ST18: variants seen among roughly 807,000 people sequenced by gnomAD.
ST18 encodes the protein ST18 C2H2C-type zinc finger transcription factor.
In ST18, 50 loss-of-function variants were observed where a neutral mutation model predicts 110.0. The observed-to-expected ratio is 0.45, with a 90% CI of 0.36 to 0.58. The LOEUF (loss-of-function observed/expected upper bound fraction) is 0.58. Among genes scored for constraint, ST18 ranks in the 20% least tolerant of loss-of-function variants. The pLI is 0.00. For synonymous variants in ST18, 461 were observed against 452.4 expected, an observed-to-expected ratio of 1.02 and a Z score of -0.24; for missense variants, 1,306 against 1,280.1, an observed-to-expected ratio of 1.02 and a Z score of -0.31.
intron 2 of ST18, among the ~76,000 whole-genome samples, chr8:52,310,331 C>A (rs1380753290): frequency 6.6e-6 from 1 of 152,202 alleles, no homozygotes; most frequent in Admixed American, 6.5e-5. Context: ...GGAAGTTTTT[C>A]TGCACACCTA....
intron 2 of ST18, among the ~76,000 whole-genome samples, chr8:52,311,438 T>G (rs2095906399): frequency 1.3e-5 from 2 of 152,194 alleles, no homozygotes; most frequent in African/African-American, 4.8e-5. Flanking sequence ...GACTTCCCCC[T>G]CTACAGTTCT....
At chr8:52,124,070 A>C (rs1233118293) in intron 23 of ST18, among the ~76,000 whole-genome samples, 2 of 152,182 alleles carry the variant, frequency 1.3e-5, no homozygotes, top group Non-Finnish European at 2.9e-5. Flanking sequence ...CAAATTTGCA[A>C]TCCTTATTTA....
intron 19 of ST18, among the ~76,000 whole-genome samples, chr8:52,135,120 C>T (rs772819097): frequency 4.6e-5 from 7 of 152,092 alleles, no homozygotes; most frequent in African/African-American, 1.7e-4. Context: ...AAGTTTAGAG[C>T]AATTCAGTAA....
chr8:52,227,704 A>G (rs1407912944), intron 3 of ST18, among the ~76,000 whole-genome samples: 1 of 152,198 alleles, frequency 6.6e-6, no homozygotes, highest in East Asian at 1.9e-4. Context: ...TAGTGTCAGA[A>G]CTGCAAGATC....
intron 17 of ST18, among the ~76,000 whole-genome samples, chr8:52,139,744 T>C (rs2054161399): frequency 6.7e-6 from 1 of 149,686 alleles, no homozygotes; most frequent in African/African-American, 2.4e-5. Flanking sequence ...ATAAATTACC[T>C]ATAAAATATG....
chr8:52,376,270 CCTT>C (rs951718277), intron 2 of ST18, among the ~76,000 whole-genome samples: 115 of 152,218 alleles, frequency 7.6e-4, no homozygotes, highest in African/African-American at 2.6e-3. Context: ...ATCTCTCTGA[CCTT>C]CTCTCTTTCC....
chr8:52,187,502 T>C (rs1470590583), intron 8 of ST18, among the ~76,000 whole-genome samples: 1 of 152,222 alleles, frequency 6.6e-6, no homozygotes, highest in Non-Finnish European at 1.5e-5. Context: ...CAGCCAATGA[T>C]GGAAGAATAT....
chr8:52,206,972 T>C lies in ST18; in HGVS notation c.86+5107A>G, dbSNP rs546439796. Among the ~76,000 whole-genome samples the C allele has an allele frequency of 1.6e-3, 250 of 152,294 alleles. 1 individual carries two copies. The highest frequency in any genetic ancestry group is 2.6e-3 in the Admixed American group (39 of 15,294). ...TATTAGAAATCAGTATCAGTTCACTTTTTTCTTTAGTTATCACCTCCAGGA... is the reference window on the plus strand; with the variant it reads ...TATTAGAAATCAGTATCAGTTCACTCTTTTCTTTAGTTATCACCTCCAGGA... On this transcript the variant is annotated intron_variant, in intron 8 of 25. Coordinates refer to ENST00000689386, the MANE Select transcript of ST18 (RefSeq NM_001352837.2).
intron 2 of ST18, chr8:52,405,511 C>T (rs1436687308): frequency 6.6e-6 from 1 of 152,136 alleles, no homozygotes; most frequent in Non-Finnish European, 1.5e-5. Flanking sequence ...TTTATGAAAA[C>T]AAATAGCAAA....
intron 8 of ST18, among the ~76,000 whole-genome samples, chr8:52,188,504 T>C (rs1474359818): frequency 1.3e-5 from 2 of 152,154 alleles, no homozygotes. Context: ...AATAATGGAT[T>C]CAGATTATGC....
chr8:52,311,815 G>A (rs943291857), intron 2 of ST18, among the ~76,000 whole-genome samples: 3 of 152,114 alleles, frequency 2.0e-5, no homozygotes, highest in African/African-American at 4.8e-5. Flanking sequence ...TTCCTCCCTC[G>A]ACATGTGGGG....
At chr8:52,205,029 A>G (rs767381688) in intron 8 of ST18, among the ~76,000 whole-genome samples, 7 of 152,082 alleles carry the variant, frequency 4.6e-5, no homozygotes, top group Non-Finnish European at 1.0e-4. Context: ...TAAGATTTAA[A>G]GTAGACCTTA....
intron 2 of ST18, among the ~76,000 whole-genome samples, chr8:52,285,757 C>T (rs575191045): frequency 2.8e-4 from 42 of 152,184 alleles, no homozygotes; most frequent in Admixed American, 5.9e-4. Flanking sequence ...CCAATTTCTG[C>T]GACATTTTTC....
At position 52,118,299 on chromosome 8, in the gene ST18, T is replaced by G. The variant is rs985366225; in HGVS notation, c.2859+39A>C. ...AATGTTTTGTTTCCACCAAAGATTA[T>G]GATTACATTAAGGATCATGAATTAC... On this transcript the variant is annotated intron_variant, in intron 24 of 25. Transcript: ENST00000689386. 7 of 1,357,254 alleles carry G rather than the reference T, an allele frequency of 5.2e-6. No homozygotes were observed. The African/African-American group carries it at 8.8e-5, about 17-fold the overall frequency. The allele number at this position is 1,357,254 out of a possible 1,614,324, so 84.1% of individuals were successfully genotyped here. A position where few individuals can be genotyped will look rare whatever the true frequency, so the allele number is the denominator to read the frequency against.
intron 2 of ST18, among the ~76,000 whole-genome samples, chr8:52,241,255 A>T (rs373619788): frequency 2.0e-5 from 3 of 152,190 alleles, no homozygotes; most frequent in African/African-American, 7.2e-5. Context: ...TCAATGCTCA[A>T]TATGTTTGTT....
intron 19 of ST18, 91 bp downstream of exon 19, chr8:52,136,499 G>A (rs1266095399): frequency 7.7e-6 from 10 of 1,300,022 alleles, no homozygotes; most frequent in African/African-American, 1.5e-5. Flanking sequence ...CATACTGCTT[G>A]TTGCTGATCA....
chr8:52,117,408 A>G (rs1205416381), intron 24 of ST18, among the ~76,000 whole-genome samples: 1 of 152,110 alleles, frequency 6.6e-6, no homozygotes, highest in African/African-American at 2.4e-5. Context: ...ATACAACACC[A>G]TTGATCATTT....
intron 2 of ST18, among the ~76,000 whole-genome samples, chr8:52,392,689 G>A (rs1839708179): frequency 6.6e-6 from 1 of 152,232 alleles, no homozygotes; most frequent in Admixed American, 6.5e-5. Context: ...GCCTAGAGCA[G>A]ACAGCTGAAG....
intron 3 of ST18, among the ~76,000 whole-genome samples, chr8:52,222,500 C>T (rs891712153): frequency 6.6e-5 from 10 of 152,126 alleles, no homozygotes; most frequent in African/African-American, 7.2e-5. Flanking sequence ...CAGCTGAGAT[C>T]GGCTTGGAGA....
Sources: gnomAD v4.1 joint callset for allele counts (sites outside exome capture counted in the v4.1 genomes callset) on GRCh38, gnomAD v4.1.1 for gene constraint, MANE v1.5 for transcripts, NCBI Gene and HGNC (gene_info 2026-07-23, HGNC 2026-07-21) for gene names.